The following LAMC1 variants were observed in gnomAD, a reference collection of about 807,000 sequenced individuals.
The protein encoded by LAMC1 is laminin subunit gamma 1, also known as laminin subunit gamma-1.
In LAMC1, 38 loss-of-function variants were observed where a neutral mutation model predicts 173.6. That is an observed-to-expected ratio of 0.22 (90% CI 0.17 to 0.29). The LOEUF (loss-of-function observed/expected upper bound fraction) is 0.29. LAMC1 is among the 10% of genes least tolerant of loss of function. The pLI, the probability that LAMC1 is intolerant of heterozygous loss-of-function variation, is 1.00. For missense variants in LAMC1, 1,824 were observed against 2,051.8 expected (o/e 0.89, Z 2.14); for synonymous variants, 746 against 749.1 (o/e 1.00, Z 0.07).
chr1:183,138,327 A>G, intron 26 of LAMC1: 1 of 340,150 alleles, frequency 2.9e-6, no homozygotes, highest in South Asian at 1.2e-4. Context: ...GCAAGGTACT[A>G]TTTGTAACAA....
rs528993514 is a variant in LAMC1 at position 183,133,376 on chromosome 1, T to C, written c.3705-30T>C. 8.2e-6 allele frequency: 13 copies of C among 1,585,060 alleles called. No individual in the cohort carries two copies. In the Admixed American group the frequency reaches 2.0e-4, roughly 25 times the overall value. ...TTAAGATGCTAAAAGCAGCTAAGAT[T>C]GTCATTAAACCACATTATTTGTGTC... On this transcript the variant is annotated intron_variant, in intron 21 of 27. Coordinates refer to ENST00000258341, the MANE Select transcript of LAMC1 (RefSeq NM_002293.4).
In LAMC1 at chr1:183,088,830, C is replaced by T. The variant is rs766510817; in HGVS notation, c.419-14498C>T. Among the ~76,000 whole-genome samples, 20 of 152,198 alleles carry T rather than the reference C, an allele frequency of 1.3e-4. No homozygotes were observed. In the East Asian group the frequency reaches 2.3e-3, roughly 18 times the overall value. Reference sequence around the variant, plus strand: ...ACTAGAGAATGGCTTAAAGGTGAGACGTGGCATATGGATAATAGGGATGGC... The same window carrying T: ...ACTAGAGAATGGCTTAAAGGTGAGATGTGGCATATGGATAATAGGGATGGC... On this transcript the variant is annotated intron_variant, in intron 1 of 27. Transcript: ENST00000258341.
intron 1 of LAMC1, among the ~76,000 whole-genome samples, chr1:183,029,342 A>T (rs1458184164): frequency 3.3e-5 from 5 of 152,158 alleles, no homozygotes; most frequent in African/African-American, 4.8e-5. Flanking sequence ...GATTGTTGCC[A>T]CAGCCTCCAA....
intron 1 of LAMC1, among the ~76,000 whole-genome samples, chr1:183,098,772 CTT>C: frequency 6.6e-6 from 1 of 152,224 alleles, no homozygotes; most frequent in Non-Finnish European, 1.5e-5. Flanking sequence ...TACAATGTCA[CTT>C]TGCATATGCA....
chr1:183,110,631 C>T lies in LAMC1; in HGVS notation c.998C>T (p.Ala333Val), dbSNP rs778559791. 9.9e-6 allele frequency: 16 copies of T among 1,613,648 alleles called. No individual in the cohort carries two copies. The highest frequency in any genetic ancestry group is 3.3e-5 in the South Asian group (3 of 91,026). Residue 333 changes from alanine (A) to valine (V), a missense_variant, in exon 4 of 28, where the codon GCG (alanine) becomes GTG (valine). Ala to Val is a moderately conservative substitution (Grantham distance 64, BLOSUM62 0). Coordinates refer to ENST00000258341, the MANE Select transcript of LAMC1 (RefSeq NM_002293.4). ...GACCGGCCGTGGAGGAGGGCAACTG[C>T]GGAAAGTGCCAGTGAATGCCTGCGT... ...FNDRPWRRAT[A>V]ESASECLPCD...
At chr1:183,098,890 T>C (rs967750862) in intron 1 of LAMC1, among the ~76,000 whole-genome samples, 1 of 152,166 alleles carries the variant, frequency 6.6e-6, no homozygotes, top group African/African-American at 2.4e-5. Flanking sequence ...CACCTTTCCC[T>C]CTCTGCTGAC....
rs144284081 is a variant in LAMC1, at chr1:183,124,828, G to A, written c.2599G>A (p.Gly867Arg). Reference sequence around the variant, plus strand: ...CTTCTATTGTGACCGGTGCAAAGACGGATTTTTTGGAAATCCCCTGGCTCC... The same window carrying A: ...CTTCTATTGTGACCGGTGCAAAGACAGATTTTTTGGAAATCCCCTGGCTCC... ...AGFYCDRCKD[G>R]FFGNPLAPNP... The change falls in exon 14 of 28, where the codon GGA becomes AGA. Residue 867 changes from glycine (G) to arginine (R), a missense_variant. Transcript: ENST00000258341. 5.6e-6 allele frequency: 9 copies of A among 1,614,066 alleles called. No homozygotes were observed. The East Asian group carries it at 6.7e-5, about 12-fold the overall frequency.
intron 1 of LAMC1, among the ~76,000 whole-genome samples, chr1:183,093,141 G>C (rs1314257949): frequency 6.6e-6 from 1 of 152,052 alleles, no homozygotes; most frequent in African/African-American, 2.4e-5. Flanking sequence ...GCTCTCCCCT[G>C]TCTCTAACAG....
At chr1:183,129,148 C>T (rs963848493) in intron 18 of LAMC1, among the ~76,000 whole-genome samples, 28 of 138,134 alleles carry the variant, frequency 2.0e-4, no homozygotes, top group Non-Finnish European at 3.3e-4. Context: ...TGCAGTGGCG[C>T]GATCTTGGCT....
intron 1 of LAMC1, among the ~76,000 whole-genome samples, chr1:183,042,459 G>T (rs979391366): frequency 2.0e-5 from 3 of 152,206 alleles, no homozygotes; most frequent in Admixed American, 6.5e-5. Flanking sequence ...GTGGTCTTGT[G>T]CCTGGCCACA....
At chr1:183,107,969 C>T (rs933398354) in intron 2 of LAMC1, among the ~76,000 whole-genome samples, 24 of 152,234 alleles carry the variant, frequency 1.6e-4, no homozygotes, top group Middle Eastern at 6.8e-3. Flanking sequence ...GCATGTGTAT[C>T]GAGTCCCTAA....
chr1:183,023,492 C>T lies in LAMC1; in HGVS notation c.-225C>T. On this transcript the variant is annotated 5_prime_UTR_variant, in exon 1 of 28. Coordinates refer to ENST00000258341, the MANE Select transcript of LAMC1 (RefSeq NM_002293.4). Reference sequence around the variant, plus strand: ...CTGCTCCCGGGGTAGGTGAGGGAAGCGCGGAGGCGGCGCGCGGGGGCAGTG... The same window carrying T: ...CTGCTCCCGGGGTAGGTGAGGGAAGTGCGGAGGCGGCGCGCGGGGGCAGTG... 4.5e-6 allele frequency: 1 copy of T among 224,320 alleles called. No homozygotes were observed. The highest frequency in any genetic ancestry group is 8.5e-6 in the Non-Finnish European group (1 of 117,552). 13.9% of individuals were successfully genotyped at this position (224,320 alleles called of 1,614,324 possible).
At chr1:183,109,478 A>G (rs1429834753) in intron 3 of LAMC1, among the ~76,000 whole-genome samples, 2 of 152,246 alleles carry the variant, frequency 1.3e-5, no homozygotes, top group African/African-American at 2.4e-5. Context: ...AGGTCCTTTT[A>G]TTTAGTGATC....
At chr1:183,134,568 T>G in intron 22 of LAMC1, 92 bp from the exon 23 acceptor site, 3 of 950,476 alleles carry the variant, frequency 3.2e-6, no homozygotes, top group Non-Finnish European at 4.7e-6. Context: ...AAAATATCAT[T>G]GAGTATTAGG....
chr1:183,080,060 T>C (rs1048466600), intron 1 of LAMC1, among the ~76,000 whole-genome samples: 2 of 152,004 alleles, frequency 1.3e-5, no homozygotes, highest in African/African-American at 4.8e-5. Context: ...GCTGGCAACA[T>C]GGTGAAACCC....
At chr1:183,087,835 C>T (rs112477940) in intron 1 of LAMC1, among the ~76,000 whole-genome samples, 17,542 of 148,216 alleles carry the variant, frequency 0.12, 1,157 homozygotes, top group Admixed American at 0.21. Context: ...TTTTTTGAGA[C>T]GGAGTTTTGC....
chr1:183,032,581 G>A (rs868055979), intron 1 of LAMC1, among the ~76,000 whole-genome samples: 4 of 151,978 alleles, frequency 2.6e-5, no homozygotes, highest in East Asian at 1.9e-4. Context: ...GAAGTGCAGC[G>A]GTGCAGTCAG....
At chr1:183,079,029 T>C (rs986365356) in intron 1 of LAMC1, among the ~76,000 whole-genome samples, 2 of 151,390 alleles carry the variant, frequency 1.3e-5, no homozygotes, top group African/African-American at 4.9e-5. Context: ...TAAGGAGGAG[T>C]GAAGAGTGAA....
chr1:183,136,788 G>C (rs4652780), intron 25 of LAMC1, among the ~76,000 whole-genome samples: 80,535 of 151,630 alleles, frequency 0.53, 21,881 homozygotes, highest in South Asian at 0.65. Flanking sequence ...TCAGTAAAAG[G>C]GTGCTTTACT....
Sources: gnomAD v4.1 joint callset for allele counts (sites outside exome capture counted in the v4.1 genomes callset) on GRCh38, gnomAD v4.1.1 for gene constraint, MANE v1.5 for transcripts, NCBI Gene and HGNC (gene_info 2026-07-23, HGNC 2026-07-21) for gene names.